ARHGEF3: variants seen among roughly 807,000 people sequenced by gnomAD.
ARHGEF3 encodes 59.8 kDA protein.
In ARHGEF3, 28 loss-of-function variants were observed where a neutral mutation model predicts 63.2. The ratio of observed to expected loss-of-function variants is 0.44; its 90% CI spans 0.33 to 0.61. The LOEUF (loss-of-function observed/expected upper bound fraction) is 0.61, where lower values mean the gene tolerates loss of function less well. Ranked by LOEUF, ARHGEF3 falls within the 20% of genes least tolerant of loss-of-function variation. The pLI is 0.03. For missense variants in ARHGEF3, 533 were observed against 659.3 expected, an observed-to-expected ratio of 0.81 and a Z score of 2.10; for synonymous variants, 266 against 254.2, an observed-to-expected ratio of 1.05 and a Z score of -0.44.
At chr3:57,066,703 T>G (rs1705558496) in intron 1 of ARHGEF3, among the ~76,000 whole-genome samples, 1 of 152,242 alleles carries the variant, frequency 6.6e-6, no homozygotes, top group African/African-American at 2.4e-5. Context: ...AAGGTATTTT[T>G]TAGATGAGAT....
chr3:56,946,867 C>A (rs571319182), intron 3 of ARHGEF3, among the ~76,000 whole-genome samples: 1 of 152,184 alleles, frequency 6.6e-6, no homozygotes, highest in Non-Finnish European at 1.5e-5. Context: ...ATGTTAAGGG[C>A]AGCCAGAGAG....
chr3:56,857,539 G>A (rs1353416327), intron 4 of ARHGEF3, among the ~76,000 whole-genome samples: 1 of 152,190 alleles, frequency 6.6e-6, no homozygotes, highest in Non-Finnish European at 1.5e-5. Flanking sequence ...TGTGTTTGGT[G>A]ATAGTTTAGT....
At chr3:57,076,053 T>G (rs1026679739) in intron 1 of ARHGEF3, among the ~76,000 whole-genome samples, 2 of 152,198 alleles carry the variant, frequency 1.3e-5, no homozygotes, top group Admixed American at 1.3e-4. Flanking sequence ...TAAAGAATAT[T>G]TGTACAAACC....
rs1046702694 is a variant in ARHGEF3 at position 56,930,197 on chromosome 3, G to A, written c.129+28626C>T. Among the ~76,000 whole-genome samples the A allele has an allele frequency of 7.2e-5, 11 of 151,794 alleles. No homozygotes were observed. The South Asian group carries it at 1.2e-3, about 17-fold the overall frequency. ...TGGCTGGAGTTGGCTGTCCTGTCCC[G>A]TTATGCAAACAGTACACAATGAGAT... On this transcript the variant is annotated intron_variant, in intron 3 of 12. Coordinates refer to the ARHGEF3 transcript ENST00000338458.
intron 3 of ARHGEF3, among the ~76,000 whole-genome samples, chr3:56,934,787 C>A (rs923261211): frequency 6.6e-6 from 1 of 152,230 alleles, no homozygotes; most frequent in East Asian, 1.9e-4. Context: ...GCCTCCCCGA[C>A]GAGCGCCACC....
intron 2 of ARHGEF3, among the ~76,000 whole-genome samples, chr3:57,024,999 C>T (rs1053370798): frequency 6.6e-6 from 1 of 152,182 alleles, no homozygotes; most frequent in African/African-American, 2.4e-5. Flanking sequence ...TGGACTCCAC[C>T]CTTGAGGCTT....
intron 7 of ARHGEF3, among the ~76,000 whole-genome samples, chr3:56,743,735 T>C (rs982679669): frequency 1.3e-5 from 2 of 152,136 alleles, no homozygotes; most frequent in African/African-American, 4.8e-5. Flanking sequence ...TCAAATTACC[T>C]ATGCATATCC....
intron 4 of ARHGEF3, among the ~76,000 whole-genome samples, chr3:56,753,102 T>C (rs1050540779): frequency 6.6e-6 from 1 of 152,240 alleles, no homozygotes; most frequent in Non-Finnish European, 1.5e-5. Context: ...ATTGCCTCAT[T>C]TCACTTTATT....
rs57740672 is a variant in ARHGEF3 at position 56,992,375 on chromosome 3, TAAAAAAAAA to T, written c.63-33495_63-33487del. Among the ~76,000 whole-genome samples the T allele has an allele frequency of 1.1e-3, 51 of 46,148 alleles. 1 individual carries two copies. Among genetic ancestry groups the T allele is most frequent in the South Asian group, 4.3e-3 (6 of 1,400 alleles). The allele number at this position is 46,148 out of a possible 152,430, so 30.3% of individuals were successfully genotyped here. ...GGTCCTATGGTAGGGAGGATGGCTT[TAAAAAAAAA>T]AAAAAAAAAAAAAAAAAAAAAAAAA... is the stretch of plus-strand genomic sequence containing the variant. On this transcript the variant is annotated intron_variant, in intron 2 of 12. Coordinates refer to the ARHGEF3 transcript ENST00000338458.
chr3:56,773,826 TAAAAA>T lies in ARHGEF3; in HGVS notation c.97-15_97-11del. On this transcript the variant is annotated splice_polypyrimidine_tract_variant and intron_variant, in intron 1 of 9. Transcript: ENST00000296315. ...GTTTATTACTAGGCTCCTATAGAGT[TAAAAA>T]AAAAAAAAAGTAAAATGTCAAGGTC... 1 of 1,400,956 alleles carries T rather than the reference TAAAAA, an allele frequency of 7.1e-7. No homozygotes were observed. Among genetic ancestry groups the T allele is most frequent in the East Asian group, 2.5e-5 (1 of 40,094 alleles). The allele number at this position is 1,400,956 out of a possible 1,614,324, so 86.8% of individuals were successfully genotyped here. A position where few individuals can be genotyped will look rare whatever the true frequency, so the allele number is the denominator to read the frequency against.
chr3:56,746,426 C>T (rs1028301223), intron 6 of ARHGEF3, among the ~76,000 whole-genome samples: 1 of 152,118 alleles, frequency 6.6e-6, no homozygotes, highest in Non-Finnish European at 1.5e-5. Flanking sequence ...GGTTTGTGAA[C>T]CTTGCTTAAA....
intron 4 of ARHGEF3, among the ~76,000 whole-genome samples, chr3:56,843,285 G>T (rs969421146): frequency 5.3e-5 from 8 of 151,894 alleles, no homozygotes; most frequent in Non-Finnish European, 8.8e-5. Context: ...TCTAAGACAG[G>T]GTCTCACTCT....
rs148352360 is a variant in ARHGEF3 at position 56,854,069 on chromosome 3, C to T, written c.192+28223G>A. On this transcript the variant is annotated intron_variant, in intron 4 of 12. Transcript: ENST00000338458. ...ATCTAGCCGGGTGTGGTGGCAGGCG[C>T]CTGCAGTCCCAGCTACTGGGGAGGC... Among the ~76,000 whole-genome samples the T allele has an allele frequency of 3.9e-3, 593 of 152,254 alleles. 7 individuals carry two copies. The highest frequency in any genetic ancestry group is 0.013 in the African/African-American group (557 of 41,540).
At chr3:56,983,161 T>G (rs758670961) in intron 2 of ARHGEF3, among the ~76,000 whole-genome samples, 35 of 152,174 alleles carry the variant, frequency 2.3e-4, no homozygotes, top group Non-Finnish European at 4.6e-4. Flanking sequence ...TATGTATATA[T>G]GTATTTATTT....
intron 3 of ARHGEF3, among the ~76,000 whole-genome samples, chr3:56,924,013 C>T (rs761215096): frequency 6.6e-6 from 1 of 152,174 alleles, no homozygotes; most frequent in African/African-American, 2.4e-5. Context: ...GAGAGATTTC[C>T]GCATGCAGCT....
intron 3 of ARHGEF3, among the ~76,000 whole-genome samples, chr3:56,910,863 A>G (rs975653455): frequency 2.0e-5 from 3 of 152,208 alleles, no homozygotes. Flanking sequence ...ATATTATCTT[A>G]TAAATTCCTG....
chr3:56,917,806 G>A (rs563629589), intron 3 of ARHGEF3, among the ~76,000 whole-genome samples: 25 of 152,344 alleles, frequency 1.6e-4, no homozygotes, highest in African/African-American at 6.0e-4. Flanking sequence ...TGAACTGACA[G>A]GCTTGGGTCT....
intron 2 of ARHGEF3, among the ~76,000 whole-genome samples, chr3:57,029,584 G>A (rs1703643186): frequency 6.6e-6 from 1 of 152,152 alleles, no homozygotes; most frequent in African/African-American, 2.4e-5. Flanking sequence ...TGCATGCACA[G>A]TGACACTTTA....
At chr3:56,931,012 A>G (rs1414755607) in intron 3 of ARHGEF3, among the ~76,000 whole-genome samples, 1 of 152,170 alleles carries the variant, frequency 6.6e-6, no homozygotes, top group African/African-American at 2.4e-5. Context: ...AAATGACATG[A>G]CATCAAGACT....
Sources: gnomAD v4.1 joint callset for allele counts (sites outside exome capture counted in the v4.1 genomes callset) on GRCh38, gnomAD v4.1.1 for gene constraint, MANE v1.5 for transcripts, NCBI Gene and HGNC (gene_info 2026-07-23, HGNC 2026-07-21) for gene names.